KANSL1: variants seen among roughly 807,000 people sequenced by gnomAD.
The protein encoded by KANSL1 is KAT8 regulatory NSL complex subunit 1, also known as MLL1/MLL complex subunit KANSL1.
Under a neutral mutation model 103.6 loss-of-function variants are expected in KANSL1, and 22 were observed. The observed-to-expected ratio is 0.21, with a 90% CI of 0.15 to 0.30. The LOEUF is 0.30. Ranked by LOEUF, KANSL1 falls within the 10% of genes least tolerant of loss-of-function variation. The probability of loss-of-function intolerance (pLI) is 1.00; values close to 1 mark genes in which losing one functional copy is unlikely to be tolerated. For synonymous variants in KANSL1, 600 were observed against 527.6 expected (o/e 1.14, Z -1.88); for missense variants, 1,337 against 1,399.8 (o/e 0.96, Z 0.72).
intron 2 of KANSL1, among the ~76,000 whole-genome samples, chr17:46,141,364 T>C (rs116225450): frequency 0.016 from 2,412 of 152,312 alleles, 65 homozygotes; most frequent in African/African-American, 0.052. Context: ...TTAGATAAAC[T>C]TGGAGACAGG....
intron 6 of KANSL1, among the ~76,000 whole-genome samples, chr17:46,055,004 C>A (rs2077866767): frequency 6.6e-6 from 1 of 151,936 alleles, no homozygotes; most frequent in Admixed American, 6.5e-5. Flanking sequence ...GCGCCCGCCA[C>A]AACACCTGAC....
At chr17:46,187,039 G>A (rs1265224471) in intron 1 of KANSL1, among the ~76,000 whole-genome samples, 1 of 152,182 alleles carries the variant, frequency 6.6e-6, no homozygotes, top group Non-Finnish European at 1.5e-5. Context: ...GCCCAGGCTG[G>A]TATTTCTATG....
At chr17:46,090,354 T>C (rs774415340) in intron 3 of KANSL1, among the ~76,000 whole-genome samples, 1 of 152,246 alleles carries the variant, frequency 6.6e-6, no homozygotes. Flanking sequence ...TTTGTGATAG[T>C]TTGTTATGAC....
At chr17:46,041,559 C>T (rs918663062) in intron 7 of KANSL1, 6 of 152,142 alleles carry the variant, frequency 3.9e-5, no homozygotes, top group African/African-American at 1.4e-4. Flanking sequence ...TAGAATGAAA[C>T]ACCACTACTT....
chr17:46,207,130 C>T (rs946690861), intron 1 of KANSL1, among the ~76,000 whole-genome samples: 29 of 152,128 alleles, frequency 1.9e-4, no homozygotes, highest in African/African-American at 6.5e-4. Context: ...AAACAATTAG[C>T]CAGGCATGGT....
At chr17:46,114,320 T>C (rs1357097399) in intron 2 of KANSL1, among the ~76,000 whole-genome samples, 12 of 152,052 alleles carry the variant, frequency 7.9e-5, no homozygotes, top group South Asian at 4.1e-4. Context: ...GATCGCGCCA[T>C]TGCACTCCAG....
At chr17:46,148,919 C>A (rs62063237) in intron 2 of KANSL1, among the ~76,000 whole-genome samples, 1 of 148,546 alleles carries the variant, frequency 6.7e-6, no homozygotes, top group East Asian at 2.0e-4. Flanking sequence ...AAAAAAAATT[C>A]CTCCCCTCTC....
At chr17:46,221,146 A>G (rs1475011394) in intron 1 of KANSL1, 1 of 151,390 alleles carries the variant, frequency 6.6e-6, no homozygotes, top group Non-Finnish European at 1.5e-5. Context: ...AGATCTTTCT[A>G]TATCATATTA....
chr17:46,088,285 C>T (rs2079241195), intron 3 of KANSL1: 1 of 152,372 alleles, frequency 6.6e-6, no homozygotes, highest in Non-Finnish European at 1.5e-5. Flanking sequence ...TTACATCACT[C>T]TATCAGGTCA....
At chr17:46,172,961 A>C (rs2046358936) in intron 1 of KANSL1, among the ~76,000 whole-genome samples, 1 of 152,158 alleles carries the variant, frequency 6.6e-6, no homozygotes, top group South Asian at 2.1e-4. Flanking sequence ...AACTTCTCTA[A>C]GAATAGTATA....
intron 4 of KANSL1, among the ~76,000 whole-genome samples, chr17:46,073,143 T>C (rs2078637572): frequency 6.6e-6 from 1 of 152,136 alleles, no homozygotes; most frequent in Non-Finnish European, 1.5e-5. Flanking sequence ...AAAGGAAGAG[T>C]ATTCCTACTT....
At chr17:46,149,832 A>C (rs1318893869) in intron 2 of KANSL1, among the ~76,000 whole-genome samples, 1 of 151,318 alleles carries the variant, frequency 6.6e-6, no homozygotes, top group African/African-American at 2.4e-5. Context: ...AGTAGAGATG[A>C]TGAAACCCCG....
chr17:46,039,001 T>C (rs2077232099), intron 9 of KANSL1, 26 bp downstream of exon 9: 1 of 1,597,966 alleles, frequency 6.3e-7, no homozygotes, highest in South Asian at 1.1e-5. Flanking sequence ...CAGTTGCAGG[T>C]AGAGGTGCCA....
intron 6 of KANSL1, among the ~76,000 whole-genome samples, chr17:46,065,192 C>G (rs1343787795): frequency 6.6e-6 from 1 of 151,204 alleles, no homozygotes; most frequent in Non-Finnish European, 1.5e-5. Context: ...TGGTCTCAAA[C>G]TCCTGAACGC....
chr17:46,159,320 T>C (rs116398006), intron 2 of KANSL1, among the ~76,000 whole-genome samples: 1,576 of 152,372 alleles, frequency 0.01, 25 homozygotes, highest in African/African-American at 0.034. Context: ...AGACAAAATG[T>C]AACAATTCTT....
rs527392576 is a variant in KANSL1 at position 46,207,512 on chromosome 17, A to C, written c.-90+16159T>G. 2.3e-3 allele frequency among the ~76,000 whole-genome samples: 255 copies of C among 111,410 alleles called. 1 individual carries two copies. Among genetic ancestry groups the C allele is most frequent in the African/African-American group, 5.7e-3 (215 of 37,808 alleles). 73.1% of individuals were successfully genotyped at this position (111,410 alleles called of 152,430 possible). ...TGACAGAGCAAGACTCCATCTCCAA[A>C]AAAAAAAAAAAAGAAAAGAAAACTG... is the stretch of plus-strand genomic sequence containing the variant. On this transcript the variant is annotated intron_variant, in intron 1 of 14. Transcript: ENST00000572904.
intron 2 of KANSL1, among the ~76,000 whole-genome samples, chr17:46,108,807 C>A (rs563529647): frequency 6.6e-6 from 1 of 152,236 alleles, no homozygotes; most frequent in Non-Finnish European, 1.5e-5. Flanking sequence ...AAAACTAACT[C>A]TGGCCTCCTC....
At chr17:46,111,736 T>G (rs1227262327) in intron 2 of KANSL1, among the ~76,000 whole-genome samples, 1 of 152,220 alleles carries the variant, frequency 6.6e-6, no homozygotes, top group African/African-American at 2.4e-5. Context: ...GATATTGATA[T>G]AACCAACTAC....
At chr17:46,071,414 AT>A (rs1177712118) in intron 4 of KANSL1, among the ~76,000 whole-genome samples, 6 of 152,212 alleles carry the variant, frequency 3.9e-5, no homozygotes, top group Non-Finnish European at 7.3e-5. Context: ...CCCATCATCA[AT>A]GCAAAGAGCT....
Sources: gnomAD v4.1 joint callset for allele counts (sites outside exome capture counted in the v4.1 genomes callset) on GRCh38, gnomAD v4.1.1 for gene constraint, MANE v1.5 for transcripts, NCBI Gene and HGNC (gene_info 2026-07-23, HGNC 2026-07-21) for gene names.